EP300: variants seen among roughly 807,000 people sequenced by gnomAD.
The protein encoded by EP300 is histone acetyltransferase p300.
In EP300, 31 loss-of-function variants were observed where a neutral mutation model predicts 264.0. The observed-to-expected ratio is 0.12, with a 90% CI of 0.09 to 0.16. The LOEUF is 0.16. EP300 is among the 10% of genes least tolerant of loss of function. The pLI, the probability that EP300 is intolerant of heterozygous loss-of-function variation, is 1.00. For missense variants in EP300, 2,766 were observed against 3,052.9 expected (o/e 0.91, Z 2.21); for synonymous variants, 1,340 against 1,045.4 (o/e 1.28, Z -5.44).
rs371316522 is a variant in EP300 at position 41,149,885 on chromosome 22, T to C, written c.2504T>C (p.Val835Ala). ...CTTCATCAGAATTCACCCTCGCCTG[T>C]ACCTAGTCGTACCCCCACCCCTCAC... Reference protein sequence around the residue: ...PALHQNSPSPVPSRTPTPHHT... With the variant: ...PALHQNSPSPAPSRTPTPHHT... The change falls in exon 14 of 31, where the codon GTA becomes GCA. Residue 835 changes from valine to alanine, a missense_variant. Transcript: ENST00000263253. 6.8e-6 allele frequency: 11 copies of C among 1,613,902 alleles called. No homozygotes were observed. The highest frequency in any genetic ancestry group is 8.5e-6 in the Non-Finnish European group (10 of 1,180,002).
chr22:41,178,036 G>A lies in EP300; in HGVS notation c.6325G>A (p.Gly2109Arg). 1 of 1,614,092 alleles carries A rather than the reference G, an allele frequency of 6.2e-7. No homozygotes were observed. The highest frequency in any genetic ancestry group is 8.5e-7 in the Non-Finnish European group (1 of 1,180,026). The change falls in exon 31 of 31, where the codon GGG becomes AGG. Residue 2109 changes from glycine to arginine, a missense_variant. Gly to Arg is a moderately radical substitution (Grantham distance 125). Coordinates refer to ENST00000263253, the MANE Select transcript of EP300 (RefSeq NM_001429.4). ...CCCTGGGCAGCCTGGCATGCCCCAG[G>A]GGCAGCCAGGGCTACAGCCACCTAC... ...PIPGQPGMPQGQPGLQPPTMP... is the reference protein window; with the variant it reads ...PIPGQPGMPQRQPGLQPPTMP...
chr22:41,171,982 C>T (rs935609011), intron 27 of EP300, among the ~76,000 whole-genome samples: 1 of 152,186 alleles, frequency 6.6e-6, no homozygotes, highest in African/African-American at 2.4e-5. Flanking sequence ...ACAGACTTGT[C>T]TTCCTCAATT....
chr22:41,166,157 T>C (rs2059133057), intron 22 of EP300, among the ~76,000 whole-genome samples: 1 of 152,198 alleles, frequency 6.6e-6, no homozygotes, highest in Non-Finnish European at 1.5e-5. Context: ...CTATAATCCA[T>C]TTATTTACTT....
chr22:41,139,094 C>T (rs2058968039), intron 8 of EP300, among the ~76,000 whole-genome samples: 1 of 152,110 alleles, frequency 6.6e-6, no homozygotes, highest in South Asian at 2.1e-4. Flanking sequence ...GCTGGGGTTA[C>T]AGGTGTTTGC....
chr22:41,106,513 C>T (rs1437429088), intron 1 of EP300, among the ~76,000 whole-genome samples: 1 of 152,162 alleles, frequency 6.6e-6, no homozygotes, highest in South Asian at 2.1e-4. Flanking sequence ...TTTTACTCTC[C>T]CCACCTTAGG....
At position 41,137,695 on chromosome 22, in the gene EP300, T is replaced by C. The variant is rs757547480; in HGVS notation, c.1665T>C (p.Pro555=). Residue 555 remains proline (P), a synonymous_variant, in exon 8 of 31, where the codon CCT becomes CCC. Coordinates refer to ENST00000263253, the MANE Select transcript of EP300 (RefSeq NM_001429.4). The part of the protein sequence containing the change: ...SENASVPSLG[P]MPTAAQPSTT... Reference sequence around the variant, plus strand: ...ATGCCAGTGTGCCCTCCCTGGGTCCTATGCCAACAGCAGCTCAACCATCCA... The same window carrying C: ...ATGCCAGTGTGCCCTCCCTGGGTCCCATGCCAACAGCAGCTCAACCATCCA... 6.2e-7 allele frequency: 1 copy of C among 1,614,200 alleles called. No individual in the cohort carries two copies. Among genetic ancestry groups the C allele is most frequent in the Non-Finnish European group, 8.5e-7 (1 of 1,180,030 alleles).
chr22:41,157,012 T>C (rs945355470), intron 17 of EP300, among the ~76,000 whole-genome samples, 157 bp from the exon 18 acceptor site: 1 of 152,200 alleles, frequency 6.6e-6, no homozygotes, highest in African/African-American at 2.4e-5. Context: ...TAAACTAATA[T>C]TTAAAGAAGT....
intron 10 of EP300, among the ~76,000 whole-genome samples, chr22:41,142,697 A>T (rs148779456): frequency 0.018 from 2,681 of 152,218 alleles, 71 homozygotes; most frequent in African/African-American, 0.062. Flanking sequence ...CATCCTGGCT[A>T]ACACGGTGAA....
chr22:41,134,756 G>A (rs2058940370), intron 6 of EP300, among the ~76,000 whole-genome samples: 1 of 152,156 alleles, frequency 6.6e-6, no homozygotes, highest in South Asian at 2.1e-4. Context: ...AAGGGATGAG[G>A]AGCAATCTTG....
chr22:41,103,073 C>T (rs2058740576), intron 1 of EP300, among the ~76,000 whole-genome samples: 1 of 152,150 alleles, frequency 6.6e-6, no homozygotes, highest in African/African-American at 2.4e-5. Context: ...TGGTCTCGAA[C>T]TCTGGCCTCA....
intron 1 of EP300, among the ~76,000 whole-genome samples, chr22:41,114,172 T>TTTTTTG (rs1555905252): frequency 4.1e-4 from 62 of 150,496 alleles, no homozygotes; most frequent in Non-Finnish European, 7.9e-4. Context: ...CATTTGGGTA[T>TTTTTTG]TTGTTGTTGT....
At chr22:41,131,100 G>A (rs1051714027) in intron 5 of EP300, among the ~76,000 whole-genome samples, 84 of 152,194 alleles carry the variant, frequency 5.5e-4, no homozygotes, top group African/African-American at 1.9e-3. Flanking sequence ...GGTGTTGGCA[G>A]TTGAATGGCT....
intron 1 of EP300, chr22:41,107,881 T>G (rs1456077013): frequency 1.4e-5 from 2 of 142,880 alleles, no homozygotes; most frequent in African/African-American, 2.5e-5. Context: ...TGTATTTTTT[T>G]TTTGTAGAGA....
intron 1 of EP300, among the ~76,000 whole-genome samples, chr22:41,104,728 C>G (rs761816360): frequency 6.6e-6 from 1 of 152,112 alleles, no homozygotes; most frequent in African/African-American, 2.4e-5. Context: ...CTTTAAAATT[C>G]AAGACTTAAG....
At chr22:41,100,373 A>C (rs1415554329) in intron 1 of EP300, among the ~76,000 whole-genome samples, 15 of 152,244 alleles carry the variant, frequency 9.9e-5, no homozygotes, top group Admixed American at 9.8e-4. Context: ...GAGAAAGCCA[A>C]GTGCATGATG....
At position 41,157,370 on chromosome 22, in the gene EP300, C is replaced by T. The variant is rs2145747812; in HGVS notation, c.3463C>T (p.Pro1155Ser). Residue 1155 changes from proline to serine, a missense_variant, in exon 18 of 31, where the codon CCA becomes TCA. Pro to Ser is a moderately conservative substitution (Grantham distance 74, BLOSUM62 -1). Coordinates refer to ENST00000263253, the MANE Select transcript of EP300 (RefSeq NM_001429.4). The part of the protein sequence containing the change: ...LSEVFEQEID[P>S]VMQSLGYCCG... ...TGAGGTCTTTGAACAAGAAATTGAC[C>T]CAGTGATGCAAAGCCTTGGATACTG... 1 of 1,614,012 alleles carries T rather than the reference C, an allele frequency of 6.2e-7. No homozygotes were observed. The highest frequency in any genetic ancestry group is 8.5e-7 in the Non-Finnish European group (1 of 1,180,004).
chr22:41,164,173 C>G, intron 22 of EP300, 43 bp downstream of exon 22: 1 of 1,559,426 alleles, frequency 6.4e-7, no homozygotes, highest in Non-Finnish European at 8.8e-7. Context: ...TTTTCTTTAT[C>G]GTGAATATTA....
At chr22:41,099,788 A>T (rs904410216) in intron 1 of EP300, among the ~76,000 whole-genome samples, 1 of 152,222 alleles carries the variant, frequency 6.6e-6, no homozygotes, top group Admixed American at 6.5e-5. Flanking sequence ...GCCCTGCCCC[A>T]TAGTCAGTCT....
At chr22:41,105,219 AAAG>A (rs1317760737) in intron 1 of EP300, among the ~76,000 whole-genome samples, 9 of 97,710 alleles carry the variant, frequency 9.2e-5, no homozygotes, top group Non-Finnish European at 2.0e-4. Context: ...AAAAAAAAAA[AAAG>A]CCGGGCGTGG....
Sources: gnomAD v4.1 joint callset for allele counts (sites outside exome capture counted in the v4.1 genomes callset) on GRCh38, gnomAD v4.1.1 for gene constraint, MANE v1.5 for transcripts, NCBI Gene and HGNC (gene_info 2026-07-23, HGNC 2026-07-21) for gene names.